The following TARS1 variants were observed in gnomAD, a reference collection of about 807,000 sequenced individuals.
The protein encoded by TARS1 is threonyl-tRNA synthetase 1.
Under a neutral mutation model 97.7 loss-of-function variants are expected in TARS1, and 57 were observed. That is an observed-to-expected ratio of 0.58 (90% confidence interval 0.47 to 0.73). The LOEUF is 0.73. Ranked by LOEUF, TARS1 falls within the 30% of genes least tolerant of loss-of-function variation. The pLI, the probability that TARS1 is intolerant of heterozygous loss-of-function variation, is 0.00. For missense variants in TARS1, 806 were observed against 888.3 expected (o/e 0.91, Z 1.18); for synonymous variants, 312 against 293.7 (o/e 1.06, Z -0.64).
chr5:33,463,039 CCT>C (rs1179241119), intron 16 of TARS1, among the ~76,000 whole-genome samples: 1 of 152,178 alleles, frequency 6.6e-6, no homozygotes, highest in African/African-American at 2.4e-5. Context: ...TTAAGGGAGT[CCT>C]CAGCTAATTG....
intron 16 of TARS1, among the ~76,000 whole-genome samples, chr5:33,462,661 C>T (rs546769096): frequency 8.6e-4 from 131 of 152,216 alleles, no homozygotes; most frequent in Admixed American, 1.4e-3. Flanking sequence ...GATGCCAAAC[C>T]GATCAACATT....
At chr5:33,449,708 G>A (rs542600559) in intron 3 of TARS1, among the ~76,000 whole-genome samples, 2 of 151,912 alleles carry the variant, frequency 1.3e-5, no homozygotes, top group Admixed American at 1.3e-4. Context: ...GTCCGCCTCG[G>A]CCTCCCAAAG....
Position 33,440,998 on chromosome 5 carries a change from C to T in TARS1, c.-89C>T, listed in dbSNP as rs958395186. ...CAGCTGGTCCAGCCGAGGCCAAGTC[C>T]CGGGCGCTAGCCCACCTCCCACCCG... On this transcript the variant is annotated 5_prime_UTR_variant, in exon 1 of 19. Coordinates refer to ENST00000265112, the MANE Select transcript of TARS1 (RefSeq NM_152295.5). The T allele has an allele frequency of 4.5e-6, 7 of 1,554,940 alleles. No individual in the cohort carries two copies. The South Asian group carries it at 4.5e-5, about 10-fold the overall frequency.
intron 3 of TARS1, among the ~76,000 whole-genome samples, chr5:33,452,948 C>G (rs534962249): frequency 6.7e-6 from 1 of 148,692 alleles, no homozygotes; most frequent in Non-Finnish European, 1.5e-5. Context: ...AAGACCCTGT[C>G]GCTAAAAAAT....
chr5:33,461,074 C>T lies in TARS1; in HGVS notation c.1413+10C>T. 1.9e-6 allele frequency: 3 copies of T among 1,611,882 alleles called. No homozygotes were observed. The South Asian group carries it at 3.3e-5, about 18-fold the overall frequency. On this transcript the variant is annotated intron_variant, in intron 12 of 18. Transcript: ENST00000265112. The stretch of plus-strand genomic sequence containing the variant: ...CTGTGCCATGGAGCAGGTATGAGAC[C>T]CTGGGAATAAAATACTTAGAAAGAA...
chr5:33,445,455 A>C (rs770649939), intron 2 of TARS1, 51 bp downstream of exon 2: 2 of 1,539,780 alleles, frequency 1.3e-6, no homozygotes, highest in Non-Finnish European at 1.8e-6. Flanking sequence ...GGCAAATCGC[A>C]GGGAACTTTC....
At chr5:33,460,010 C>A in intron 11 of TARS1, 149 bp downstream of exon 11, 1 of 758,924 alleles carries the variant, frequency 1.3e-6, no homozygotes, top group Non-Finnish European at 2.0e-6. Flanking sequence ...ATATCTTCTG[C>A]ACCTGATTAG....
chr5:33,460,036 T>TC, intron 11 of TARS1, 175 bp downstream of exon 11: 1 of 641,232 alleles, frequency 1.6e-6, no homozygotes, highest in East Asian at 3.0e-5. Flanking sequence ...CACTTTTTTT[T>TC]TTTTTTTTTT....
chr5:33,440,840 C>T (rs28362597), upstream of TARS1: 36,102 of 554,524 alleles, frequency 0.065, 2,050 homozygotes, highest in East Asian at 0.22. Context: ...GACCTGATTT[C>T]CTAGAAGGGC....
rs566392744 is a variant in TARS1 at position 33,453,292 on chromosome 5, A to T, written c.333A>T (p.Gln111His). The T allele has an allele frequency of 6.4e-7, 1 of 1,560,190 alleles. No individual in the cohort carries two copies. Among genetic ancestry groups the T allele is most frequent in the Non-Finnish European group, 8.6e-7 (1 of 1,161,786 alleles). ...TTTTTTTTTTTTTTTTTTTAAGTCA[A>T]GGCCTGGCCGACAACACCGTTATTG... Reference protein sequence around the residue: ...TPYQIACGISQGLADNTVIAK... With the variant: ...TPYQIACGISHGLADNTVIAK... The change falls in exon 4 of 19, where the codon CAA becomes CAT. Residue 111 changes from glutamine to histidine, a missense_variant. This residue lies in a region of TARS1 where 356 missense variants were observed against 357.8 expected (regional missense o/e 0.99). Coordinates refer to ENST00000265112, the MANE Select transcript of TARS1 (RefSeq NM_152295.5).
intron 10 of TARS1, among the ~76,000 whole-genome samples, chr5:33,459,423 A>G (rs1335633376): frequency 1.3e-5 from 2 of 152,198 alleles, no homozygotes; most frequent in Non-Finnish European, 2.9e-5. Context: ...TTATATAACT[A>G]CCACAATGCA....
At chr5:33,457,832 A>G (rs1485906188) in intron 9 of TARS1, among the ~76,000 whole-genome samples, 1 of 152,154 alleles carries the variant, frequency 6.6e-6, no homozygotes, top group Non-Finnish European at 1.5e-5. Flanking sequence ...TCCTCTACCC[A>G]TTATCTCTGT....
intron 17 of TARS1, among the ~76,000 whole-genome samples, chr5:33,464,530 TA>T (rs1436569178): frequency 6.6e-6 from 1 of 152,194 alleles, no homozygotes; most frequent in Admixed American, 6.5e-5. Flanking sequence ...TTCAAATTAT[TA>T]AAAGTTGATG....
In TARS1 at chr5:33,457,653, C is replaced by T. The variant is rs111627406; in HGVS notation, c.984+250C>T. Among the ~76,000 whole-genome samples, 64 of 152,270 alleles carry T rather than the reference C, an allele frequency of 4.2e-4. 1 individual carries two copies. In the East Asian group the frequency reaches 0.01, roughly 24 times the overall value. ...ATTGAGAGCAAACACTGATGATCTA[C>T]GGTTTTCTGTAAAAGAAGTATAACA... On this transcript the variant is annotated intron_variant, in intron 9 of 18. Transcript: ENST00000265112.
intron 4 of TARS1, 105 bp from the exon 5 acceptor site, chr5:33,454,840 G>A (rs1236613678): frequency 7.3e-6 from 10 of 1,374,434 alleles, no homozygotes; most frequent in Non-Finnish European, 8.8e-6. Context: ...TATATATTGG[G>A]TTTACTTGTA....
chr5:33,459,949 A>G lies in TARS1; in HGVS notation c.1250+88A>G. On this transcript the variant is annotated intron_variant, in intron 11 of 18. Transcript: ENST00000265112. ...TCCCTCCTTTAACAACATTTTCATT[A>G]AAAACAAATTATGTGATCAGAAGAG... 5 of 1,434,418 alleles carry G rather than the reference A, an allele frequency of 3.5e-6. No homozygotes were observed. In the South Asian group the frequency reaches 6.7e-5, roughly 19 times the overall value. 88.9% of individuals were successfully genotyped at this position (1,434,418 alleles called of 1,614,324 possible). A position where few individuals can be genotyped will look rare whatever the true frequency, so the allele number is the denominator to read the frequency against.
At chr5:33,447,148 C>T (rs756800653) in intron 2 of TARS1, among the ~76,000 whole-genome samples, 18 of 151,948 alleles carry the variant, frequency 1.2e-4, no homozygotes, top group African/African-American at 3.4e-4. Flanking sequence ...GAAACCCTGT[C>T]GTTAAAGAAT....
intron 16 of TARS1, 59 bp from the exon 17 acceptor site, chr5:33,463,694 T>C: frequency 2.9e-6 from 4 of 1,386,568 alleles, no homozygotes; most frequent in Non-Finnish European, 4.1e-6. Context: ...AGAAATATGC[T>C]GTCCCTGTTT....
At chr5:33,455,766 T>A in intron 6 of TARS1, 62 bp downstream of exon 6, 1 of 1,201,544 alleles carries the variant, frequency 8.3e-7, no homozygotes, top group Non-Finnish European at 1.2e-6. Flanking sequence ...TTAGTTGAAG[T>A]GACACCACTG....
Sources: allele counts gnomAD v4.1 joint callset (sites outside exome capture counted in the v4.1 genomes callset), GRCh38; gene constraint gnomAD v4.1.1; regional missense constraint gnomAD v4.1.1; transcripts MANE v1.5; gene names NCBI Gene and HGNC (gene_info 2026-07-23, HGNC 2026-07-21).